The following DCAF10 variants were observed in gnomAD, a reference collection of about 807,000 sequenced individuals.
The protein encoded by DCAF10 is DDB1- and CUL4-associated factor 10.
In DCAF10, 19 loss-of-function variants were observed where a neutral mutation model predicts 51.9. The observed-to-expected ratio is 0.37, with a 90% CI of 0.26 to 0.54. The LOEUF is 0.54. DCAF10 is among the 20% of genes least tolerant of loss of function. The probability of loss-of-function intolerance (pLI) is 0.87; values close to 1 mark genes in which losing one functional copy is unlikely to be tolerated. For missense variants in DCAF10, 510 were observed against 730.6 expected, an observed-to-expected ratio of 0.70 and a Z score of 3.48; for synonymous variants, 291 against 297.1, an observed-to-expected ratio of 0.98 and a Z score of 0.21.
intron 2 of DCAF10, among the ~76,000 whole-genome samples, chr9:37,830,283 G>A (rs1484033277): frequency 2.0e-5 from 3 of 152,200 alleles, no homozygotes; most frequent in African/African-American, 7.2e-5. Context: ...TTTATATAGT[G>A]TGATACCATT....
Position 37,857,222 on chromosome 9 carries a change from A to G in DCAF10, c.1055-19A>G, listed in dbSNP as rs1299257282. On this transcript the variant is annotated intron_variant, in intron 4 of 6. Coordinates refer to ENST00000377724, the MANE Select transcript of DCAF10 (RefSeq NM_024345.5). ...AGAGTTATGCTAGGTTTATTGTCAG[A>G]ATTTTTTATATTTTTAAGATTTGAC... 1.9e-6 allele frequency: 3 copies of G among 1,555,140 alleles called. No individual in the cohort carries two copies. The highest frequency in any genetic ancestry group is 2.8e-5 in the African/African-American group (2 of 71,896).
At chr9:37,817,150 T>C (rs1428327928) in intron 1 of DCAF10, among the ~76,000 whole-genome samples, 1 of 152,200 alleles carries the variant, frequency 6.6e-6, no homozygotes, top group African/African-American at 2.4e-5. Flanking sequence ...ACAAATTGTG[T>C]ACCAGCAATA....
At chr9:37,833,854 A>AT (rs1431399928) in intron 2 of DCAF10, among the ~76,000 whole-genome samples, 2 of 152,182 alleles carry the variant, frequency 1.3e-5, no homozygotes, top group Admixed American at 1.3e-4. Flanking sequence ...GCATCTGTTG[A>AT]TTTTGGGATA....
intron 5 of DCAF10, among the ~76,000 whole-genome samples, chr9:37,858,287 C>T (rs1310733664): frequency 2.0e-5 from 3 of 152,162 alleles, no homozygotes; most frequent in Non-Finnish European, 4.4e-5. Context: ...TTAAAGGCTC[C>T]TCCTCTTAAA....
At chr9:37,808,822 A>G (rs1191161756) in intron 1 of DCAF10, among the ~76,000 whole-genome samples, 1 of 60,734 alleles carries the variant, frequency 1.6e-5, no homozygotes, top group African/African-American at 4.8e-5. Context: ...AAGTATAATT[A>G]AAAAGATAAC....
At position 37,859,883 on chromosome 9, in the gene DCAF10, C is replaced by T. The variant is rs143910896; in HGVS notation, c.1166-165C>T. On this transcript the variant is annotated intron_variant, in intron 5 of 6. Transcript: ENST00000377724. ...CACACCTTCACCCCGCCAAAACTCA[C>T]ACACCATACATTGGGGAGTACCACG... 6.1e-4 allele frequency among the ~76,000 whole-genome samples: 93 copies of T among 152,324 alleles called. 1 individual carries two copies. Among genetic ancestry groups the T allele is most frequent in the East Asian group, 3.5e-3 (18 of 5,184 alleles).
At chr9:37,809,116 A>G (rs1829251946) in intron 1 of DCAF10, among the ~76,000 whole-genome samples, 1 of 151,414 alleles carries the variant, frequency 6.6e-6, no homozygotes. Context: ...AAAGATAACT[A>G]GAAAAGTCTC....
At chr9:37,806,080 GC>G (rs1365526216) in intron 1 of DCAF10, among the ~76,000 whole-genome samples, 1 of 152,036 alleles carries the variant, frequency 6.6e-6, no homozygotes, top group African/African-American at 2.4e-5. Context: ...ACCCTGTCTT[GC>G]AAAAAATAAA....
chr9:37,831,704 GA>G (rs1344604106), intron 2 of DCAF10, among the ~76,000 whole-genome samples: 2 of 152,214 alleles, frequency 1.3e-5, no homozygotes, highest in Non-Finnish European at 2.9e-5. Context: ...AAAGTAGTGG[GA>G]AAAGTCTGTA....
rs7038650 is a variant in DCAF10, at chr9:37,849,894, C to A, written c.852-4886C>A. Among the ~76,000 whole-genome samples, 605 of 151,938 alleles carry A rather than the reference C, an allele frequency of 4.0e-3. 4 individuals are homozygous for A. Among genetic ancestry groups the A allele is most frequent in the African/African-American group, 9.7e-3 (403 of 41,458 alleles). The stretch of plus-strand genomic sequence containing the variant: ...GACTCCATCTCAACAACAACAACAA[C>A]AAAAAATTTAAAACATTAGCCAGGT... On this transcript the variant is annotated intron_variant, in intron 3 of 6. Transcript: ENST00000377724.
intron 2 of DCAF10, among the ~76,000 whole-genome samples, chr9:37,826,422 A>G (rs1548276): frequency 0.13 from 19,457 of 152,246 alleles, 1,411 homozygotes; most frequent in Non-Finnish European, 0.16. Context: ...CTGTATCTTG[A>G]TGGCTGATGG....
chr9:37,860,799 A>C (rs1830992636), intron 6 of DCAF10, among the ~76,000 whole-genome samples: 1 of 152,178 alleles, frequency 6.6e-6, no homozygotes, highest in African/African-American at 2.4e-5. Context: ...GTAGGGGAAG[A>C]GGTAAGATAC....
Position 37,842,077 on chromosome 9 carries a change from C to G in DCAF10, c.654-12C>G. The G allele has an allele frequency of 6.3e-7, 1 of 1,591,190 alleles. No individual in the cohort carries two copies. The highest frequency in any genetic ancestry group is 8.5e-7 in the Non-Finnish European group (1 of 1,172,270). On this transcript the variant is annotated splice_polypyrimidine_tract_variant and intron_variant, in intron 2 of 6. Transcript: ENST00000377724. The stretch of plus-strand genomic sequence containing the variant: ...TTAAATGAACCAGGGTTTTGTTTTT[C>G]TGCTTTTATAGATTTCTTGATAACC...
intron 3 of DCAF10, among the ~76,000 whole-genome samples, chr9:37,852,252 C>T (rs1830676630): frequency 6.6e-6 from 1 of 152,092 alleles, no homozygotes; most frequent in African/African-American, 2.4e-5. Flanking sequence ...CCTAAATATT[C>T]AGAAGGAAAC....
chr9:37,817,410 C>T (rs1397592388), intron 1 of DCAF10, among the ~76,000 whole-genome samples: 1 of 151,920 alleles, frequency 6.6e-6, no homozygotes, highest in Non-Finnish European at 1.5e-5. Flanking sequence ...CCAGCCAGGG[C>T]AACACGGTGA....
intron 3 of DCAF10, among the ~76,000 whole-genome samples, chr9:37,846,215 TA>T (rs1275158655): frequency 6.6e-5 from 10 of 152,328 alleles, no homozygotes; most frequent in African/African-American, 2.4e-4. Context: ...TGTATTAATA[TA>T]ATTACCCACA....
chr9:37,811,802 A>G (rs1829355190), intron 1 of DCAF10, among the ~76,000 whole-genome samples: 2 of 152,234 alleles, frequency 1.3e-5, no homozygotes, highest in Non-Finnish European at 2.9e-5. Flanking sequence ...AAGATAAATC[A>G]ATATTTGAAC....
intron 2 of DCAF10, among the ~76,000 whole-genome samples, chr9:37,824,656 GATTA>G (rs1482130301): frequency 6.6e-6 from 1 of 151,912 alleles, no homozygotes; most frequent in Admixed American, 6.6e-5. Context: ...AGTAAATATA[GATTA>G]ATTTTCTTTG....
rs550177083 is a variant in DCAF10, at chr9:37,829,529, G to A, written c.653+10128G>A. Among the ~76,000 whole-genome samples, 2 of 152,204 alleles carry A rather than the reference G, an allele frequency of 1.3e-5. No homozygotes were observed. The highest frequency in any genetic ancestry group is 3.9e-4 in the East Asian group (2 of 5,186). ...ATGTTCAAGCTTATCATTTATTATG[G>A]AAGTACAAATAAAAATAACAGTAAA... On this transcript the variant is annotated intron_variant, in intron 2 of 6. Coordinates refer to ENST00000377724, the MANE Select transcript of DCAF10 (RefSeq NM_024345.5). This position sits in a 1 kb window ranked among gnomAD's most constrained non-coding sequence, Gnocchi z 4.2.
Sources: allele counts gnomAD v4.1 joint callset (sites outside exome capture counted in the v4.1 genomes callset), GRCh38; gene constraint gnomAD v4.1.1; non-coding constraint Gnocchi (gnomAD v3.1); transcripts MANE v1.5; gene names NCBI Gene and HGNC (gene_info 2026-07-23, HGNC 2026-07-21).